EPHA8: variants seen among roughly 807,000 people sequenced by gnomAD.
EPHA8 encodes EPH receptor A8.
In EPHA8, 58 loss-of-function variants were observed where a neutral mutation model predicts 103.6. That is an observed-to-expected ratio of 0.56 (90% CI 0.45 to 0.70). The LOEUF (loss-of-function observed/expected upper bound fraction) is 0.70, where lower values mean the gene tolerates loss of function less well. EPHA8 is among the 30% of genes least tolerant of loss of function. The probability of loss-of-function intolerance (pLI) is 0.00; values close to 1 mark genes in which losing one functional copy is unlikely to be tolerated. For missense variants in EPHA8, 1,304 were observed against 1,395.2 expected (o/e 0.93, Z 1.04); for synonymous variants, 559 against 572.5 (o/e 0.98, Z 0.34).
At chr1:22,568,006 G>A (rs1208408986) in intron 1 of EPHA8, among the ~76,000 whole-genome samples, 1 of 152,224 alleles carries the variant, frequency 6.6e-6, no homozygotes, top group African/African-American at 2.4e-5. Flanking sequence ...GACGGCTGAA[G>A]CCGGAGCCCT....
intron 3 of EPHA8, among the ~76,000 whole-genome samples, chr1:22,577,806 A>ATGTGTGCATG (rs1171995258): frequency 1.1e-4 from 15 of 132,742 alleles, no homozygotes; most frequent in Non-Finnish European, 2.0e-4. Flanking sequence ...GCGTAAGTGT[A>ATGTGTGCATG]TGTGTGCATG....
chr1:22,601,562 C>G (rs2148274199), intron 16 of EPHA8, 65 bp from the exon 17 acceptor site: 1 of 1,592,252 alleles, frequency 6.3e-7, no homozygotes, highest in Non-Finnish European at 8.5e-7. Flanking sequence ...GATCCATGGC[C>G]CTGGCTGCGT....
chr1:22,572,180 C>T (rs1640560222), intron 2 of EPHA8, among the ~76,000 whole-genome samples: 1 of 152,348 alleles, frequency 6.6e-6, no homozygotes, highest in South Asian at 2.1e-4. Context: ...AGGGCAGTCT[C>T]CAGCCTCAGA....
chr1:22,595,118 G>A (rs374645112), intron 7 of EPHA8, 112 bp from the exon 8 acceptor site: 7 of 806,506 alleles, frequency 8.7e-6, no homozygotes, highest in Non-Finnish European at 1.3e-5. Context: ...ATGGCTCTGG[G>A]CTCCCCACTG....
At chr1:22,574,354 A>G (rs1274792664) in intron 2 of EPHA8, among the ~76,000 whole-genome samples, 3 of 152,190 alleles carry the variant, frequency 2.0e-5, no homozygotes, top group Non-Finnish European at 4.4e-5. Flanking sequence ...ACCCTTTTTA[A>G]GCGCACACCT....
At position 22,589,598 on chromosome 1, in the gene EPHA8, A is replaced by G. The variant is rs1641322579; in HGVS notation, c.1315+392A>G. The G allele has an allele frequency of 7.8e-7, 1 of 1,286,318 alleles. No individual in the cohort carries two copies. Among genetic ancestry groups the G allele is most frequent in the Admixed American group, 3.8e-5 (1 of 26,456 alleles). The allele number at this position is 1,286,318 out of a possible 1,614,324, so 79.7% of individuals were successfully genotyped here. On this transcript the variant is annotated intron_variant, in intron 5 of 16. Coordinates refer to ENST00000166244, the MANE Select transcript of EPHA8 (RefSeq NM_020526.5). The surrounding 1 kb of genome is among the most constrained non-coding windows in gnomAD (Gnocchi z 4.3). ...AGCACCTGGCCCGTGGTAAATGCTCAATAAATGTCATTAAAAAATAAAATC... is the reference window on the plus strand; with the variant it reads ...AGCACCTGGCCCGTGGTAAATGCTCGATAAATGTCATTAAAAAATAAAATC...
chr1:22,568,600 G>A (rs570391090), intron 1 of EPHA8, among the ~76,000 whole-genome samples: 2 of 152,338 alleles, frequency 1.3e-5, no homozygotes, highest in East Asian at 3.9e-4. Context: ...TGCAGATGAG[G>A]CATCTCAAGC....
intron 3 of EPHA8, among the ~76,000 whole-genome samples, chr1:22,577,753 C>G (rs1640752182): frequency 1.3e-5 from 2 of 149,338 alleles, no homozygotes. Context: ...GAGCCTAGGC[C>G]CAGGTGGTGT....
intron 7 of EPHA8, 150 bp downstream of exon 7, chr1:22,593,836 GT>G: frequency 9.8e-7 from 1 of 1,020,580 alleles, no homozygotes; most frequent in Non-Finnish European, 1.4e-6. Flanking sequence ...GGTTGTCGGA[GT>G]TTTTTATTTA....
At position 22,593,291 on chromosome 1, in the gene EPHA8, C is replaced by A. The variant is rs767234781; in HGVS notation, c.1316-35C>A. The A allele has an allele frequency of 1.1e-4, 168 of 1,544,092 alleles. 2 individuals are homozygous for A. The highest frequency in any genetic ancestry group is 4.9e-5 in the East Asian group (2 of 41,212). ...TTGGGAGAGAGGCCACGCCTTGTCT[C>A]CCCTCCGCCCATCTGACGGGATTGG... On this transcript the variant is annotated intron_variant, in intron 5 of 16. Coordinates refer to ENST00000166244, the MANE Select transcript of EPHA8 (RefSeq NM_020526.5).
At chr1:22,599,660 G>A (rs183232707) in intron 13 of EPHA8, among the ~76,000 whole-genome samples, 59 of 45,460 alleles carry the variant, frequency 1.3e-3, no homozygotes, top group South Asian at 4.2e-3. Context: ...GGAAGGAAAG[G>A]AGGGAGGGAG....
chr1:22,579,345 G>A (rs1044464533), intron 3 of EPHA8, among the ~76,000 whole-genome samples: 1 of 136,316 alleles, frequency 7.3e-6, no homozygotes, highest in African/African-American at 3.2e-5. Context: ...GTGCATGAGT[G>A]TATGTATGCG....
At position 22,601,970 on chromosome 1, in the gene EPHA8, G is replaced by A. The variant is rs1232446972; in HGVS notation, c.*229G>A. ...TGAGGACACCTGTCCCCCAGGGCAG[G>A]CACCTTCTCTTTTCCAGAGCCTGGG... On this transcript the variant is annotated 3_prime_UTR_variant, in exon 17 of 17. Transcript: ENST00000166244. The A allele has an allele frequency of 1.0e-5, 6 of 581,646 alleles. No homozygotes were observed. In the South Asian group the frequency reaches 1.1e-4, roughly 11 times the overall value. The allele number at this position is 581,646 out of a possible 1,614,324, so 36.0% of individuals were successfully genotyped here.
At chr1:22,599,987 AGGAGGAAAGGAGGGAC>A (rs1641662128) in intron 13 of EPHA8, among the ~76,000 whole-genome samples, 2 of 77,744 alleles carry the variant, frequency 2.6e-5, no homozygotes, top group Non-Finnish European at 5.0e-5. Context: ...GAAGGAGAGA[AGGAGGAAAGGAGGGAC>A]GGAGGGAAGG....
rs753756295 is a variant in EPHA8, at chr1:22,601,335, A to G, written c.2765A>G (p.Asp922Gly). Reference sequence around the variant, plus strand: ...CCTGCCTTCGTCCGGAGCTGCTTTGACCTCCGAGGGGGCAGCGGTGGCGGT... The same window carrying G: ...CCTGCCTTCGTCCGGAGCTGCTTTGGCCTCCGAGGGGGCAGCGGTGGCGGT... The part of the protein sequence containing the change: ...PPPAFVRSCF[D>G]LRGGSGGGGG... The change falls in exon 16 of 17, where the codon GAC (aspartate) becomes GGC (glycine). Residue 922 changes from aspartate (D) to glycine (G), a missense_variant. By Grantham distance (94) the Asp-to-Gly change is moderately conservative. Transcript: ENST00000166244. 6.2e-7 allele frequency: 1 copy of G among 1,605,812 alleles called. No individual in the cohort carries two copies.
chr1:22,568,639 G>T (rs1343817235), intron 1 of EPHA8, among the ~76,000 whole-genome samples: 1 of 152,246 alleles, frequency 6.6e-6, no homozygotes, highest in Non-Finnish European at 1.5e-5. Context: ...CACATAGTGG[G>T]TGCCCACTAA....
intron 7 of EPHA8, among the ~76,000 whole-genome samples, 173 bp downstream of exon 7, chr1:22,593,859 GT>G (rs1266217311): frequency 1.3e-5 from 2 of 152,346 alleles, no homozygotes; most frequent in African/African-American, 4.8e-5. Context: ...TTGAGACAGA[GT>G]TTCACTCTGC....
chr1:22,571,322 A>G (rs1640538634), intron 2 of EPHA8, among the ~76,000 whole-genome samples: 1 of 152,206 alleles, frequency 6.6e-6, no homozygotes, highest in Admixed American at 6.5e-5. Flanking sequence ...CACTCCCCAC[A>G]ACCAATCCTT....
chr1:22,584,711 C>G (rs1641140791), intron 3 of EPHA8, among the ~76,000 whole-genome samples: 1 of 152,110 alleles, frequency 6.6e-6, no homozygotes, highest in South Asian at 2.1e-4. Context: ...ATGGACGGAG[C>G]CGGGAGCTGC....
Sources: allele counts gnomAD v4.1 joint callset (sites outside exome capture counted in the v4.1 genomes callset), GRCh38; gene constraint gnomAD v4.1.1; non-coding constraint Gnocchi (gnomAD v3.1); transcripts MANE v1.5; gene names NCBI Gene and HGNC (gene_info 2026-07-23, HGNC 2026-07-21).